KRT2: variants seen among roughly 807,000 people sequenced by gnomAD.
KRT2 encodes keratin, type II cytoskeletal 2 epidermal.
Under a neutral mutation model 48.5 loss-of-function variants are expected in KRT2, and 37 were observed. The ratio of observed to expected loss-of-function variants is 0.76; its 90% CI spans 0.59 to 1.00. KRT2 has a LOEUF of 1.00. Ranked by LOEUF, KRT2 falls within the 50% of genes least tolerant of loss-of-function variation. The pLI, the probability that KRT2 is intolerant of heterozygous loss-of-function variation, is 0.00. For missense variants in KRT2, 880 were observed against 815.2 expected, an observed-to-expected ratio of 1.08 and a Z score of -0.97; for synonymous variants, 324 against 312.2, an observed-to-expected ratio of 1.04 and a Z score of -0.40.
chr12:52,645,067 A>G lies in KRT2; in HGVS notation c.1872T>C (p.Gly624=), dbSNP rs1481987156. 1 of 1,613,964 alleles carries G rather than the reference A, an allele frequency of 6.2e-7. No individual in the cohort carries two copies. Among genetic ancestry groups the G allele is most frequent in the Non-Finnish European group, 8.5e-7 (1 of 1,179,978 alleles). Residue 624 remains glycine, a synonymous_variant, in exon 9 of 9, where the codon GGT becomes GGC. Transcript: ENST00000309680. ...TGGAACCAAAAGCTTCACCTGAGCTACCCTTTACAGAGCTAGAACCCCCAC... is the reference window on the plus strand; with the variant it reads ...TGGAACCAAAAGCTTCACCTGAGCTGCCCTTTACAGAGCTAGAACCCCCAC... The part of the protein sequence containing the change: ...SGGGGSSSVK[G]SSGEAFGSSV...
chr12:52,645,973 T>G (rs11170215), intron 7 of KRT2, among the ~76,000 whole-genome samples: 31,119 of 152,162 alleles, frequency 0.2, 3,457 homozygotes, highest in East Asian at 0.47. Flanking sequence ...GAACTGTGAC[T>G]CTGTAGAGCC....
intron 2 of KRT2, 127 bp downstream of exon 2, chr12:52,650,212 C>A: frequency 1.1e-6 from 1 of 890,224 alleles, no homozygotes; most frequent in Non-Finnish European, 1.9e-6. Flanking sequence ...AAATAATCAA[C>A]AAAGATACAT....
At position 52,649,052 on chromosome 12, in the gene KRT2, G is replaced by C. The variant is rs772322041; in HGVS notation, c.912C>G (p.Asp304Glu). The C allele has an allele frequency of 4.3e-6, 7 of 1,613,566 alleles. No individual in the cohort carries two copies. The highest frequency in any genetic ancestry group is 5.9e-6 in the Non-Finnish European group (7 of 1,179,540). Reference protein sequence around the residue: ...MIKVELQSKVDLLNQEIEFLK... With the variant: ...MIKVELQSKVELLNQEIEFLK... ...GAAACTCAATTTCCTGGTTCAGCAG[G>C]TCCACCTTGGACTGCAACTCCACCT... Residue 304 changes from aspartate (D) to glutamate (E), a missense_variant, in exon 4 of 9, where the codon GAC becomes GAG. By Grantham distance (45) the Asp-to-Glu change is conservative. Transcript: ENST00000309680.
At chr12:52,645,757 A>G (rs1375226243) in intron 7 of KRT2, among the ~76,000 whole-genome samples, 188 bp from the exon 8 acceptor site, 2 of 152,154 alleles carry the variant, frequency 1.3e-5, no homozygotes, top group South Asian at 2.1e-4. Context: ...TTTATGCACA[A>G]CCTTGCATGT....
In KRT2 at chr12:52,645,125, C is replaced by T. The variant is rs1941142974; in HGVS notation, c.1814G>A (p.Gly605Asp). 6.2e-7 allele frequency: 1 copy of T among 1,613,638 alleles called. No homozygotes were observed. Among genetic ancestry groups the T allele is most frequent in the Admixed American group, 1.7e-5 (1 of 59,970 alleles). ...KHSSGGGSRG[G>D]SSSGGGYGSG... Reference sequence around the variant, plus strand: ...GCCATATCCTCCTCCAGAGCTGGAGCCTCCTCTAGAGCCACCTCCAGAGCT... The same window carrying T: ...GCCATATCCTCCTCCAGAGCTGGAGTCTCCTCTAGAGCCACCTCCAGAGCT... Residue 605 changes from glycine (G) to aspartate (D), a missense_variant, in exon 9 of 9, where the codon GGC becomes GAC. Physicochemically the swap from Gly to Asp is moderately conservative, Grantham distance 94 (BLOSUM62 -1). Transcript: ENST00000309680.
In KRT2 at chr12:52,646,823, G is replaced by A; in HGVS notation, c.1386C>T (p.Asp462=). 1 of 1,614,178 alleles carries A rather than the reference G, an allele frequency of 6.2e-7. No homozygotes were observed. The highest frequency in any genetic ancestry group is 8.5e-7 in the Non-Finnish European group (1 of 1,180,032). ...GCTTCACGTTCATCAGCTCCTGGTAGTCACGCAGCAGCCGCGCCAAGTCCT... is the reference window on the plus strand; with the variant it reads ...GCTTCACGTTCATCAGCTCCTGGTAATCACGCAGCAGCCGCGCCAAGTCCT... ...AKEDLARLLR[D]YQELMNVKLA... is the part of the protein sequence containing the mutation. The change falls in exon 7 of 9, where the codon GAC becomes GAT. Residue 462 remains aspartate (D), a synonymous_variant. Coordinates refer to ENST00000309680, the MANE Select transcript of KRT2 (RefSeq NM_000423.3).
rs1941165994 is a variant in KRT2, at chr12:52,646,686, G to A, written c.1469+54C>T. On this transcript the variant is annotated intron_variant, in intron 7 of 8. Coordinates refer to ENST00000309680, the MANE Select transcript of KRT2 (RefSeq NM_000423.3). The stretch of plus-strand genomic sequence containing the variant: ...TGTCTTTGCCTCCAGCCCTGGCTCT[G>A]GGAGAGATGAGAGGAAGGGCCAGGG... The A allele has an allele frequency of 5.3e-5, 84 of 1,595,610 alleles. 1 individual carries two copies. In the South Asian group the frequency reaches 9.0e-4, roughly 17 times the overall value.
Position 52,650,453 on chromosome 12 carries a change from A to G in KRT2, c.686T>C (p.Phe229Ser). The G allele has an allele frequency of 6.2e-7, 1 of 1,614,174 alleles. No individual in the cohort carries two copies. Among genetic ancestry groups the G allele is most frequent in the Non-Finnish European group, 8.5e-7 (1 of 1,180,014 alleles). ...CTTGAGGCTGTCGATATACCCCTGG[A>G]AGATGGGCTCCAGGTTGATGGGGCG... is the stretch of plus-strand genomic sequence containing the variant. ...GTRPINLEPIFQGYIDSLKRY... is the reference protein window; with the variant it reads ...GTRPINLEPISQGYIDSLKRY... The change falls in exon 2 of 9, where the codon TTC (phenylalanine) becomes TCC (serine). Residue 229 changes from phenylalanine to serine, a missense_variant. Transcript: ENST00000309680.
In KRT2 at chr12:52,645,070, C is replaced by T. The variant is rs766846917; in HGVS notation, c.1869G>A (p.Lys623=). 6.2e-7 allele frequency: 1 copy of T among 1,614,070 alleles called. No homozygotes were observed. Among genetic ancestry groups the T allele is most frequent in the South Asian group, 1.1e-5 (1 of 91,066 alleles). The part of the protein sequence containing the change: ...GSGGGGSSSV[K]GSSGEAFGSS... ...AACCAAAAGCTTCACCTGAGCTACC[C>T]TTTACAGAGCTAGAACCCCCACCTC... Residue 623 remains lysine (K), a synonymous_variant, in exon 9 of 9, where the codon AAG becomes AAA. Coordinates refer to ENST00000309680, the MANE Select transcript of KRT2 (RefSeq NM_000423.3).
Position 52,644,790 on chromosome 12 carries a change from A to G in KRT2, c.*229T>C, listed in dbSNP as rs1355580208. 3 of 594,280 alleles carry G rather than the reference A, an allele frequency of 5.0e-6. No individual in the cohort carries two copies. Among genetic ancestry groups the G allele is most frequent in the Non-Finnish European group, 8.9e-6 (3 of 337,348 alleles). 36.8% of individuals were successfully genotyped at this position (594,280 alleles called of 1,614,324 possible). On this transcript the variant is annotated 3_prime_UTR_variant, in exon 9 of 9. Coordinates refer to ENST00000309680, the MANE Select transcript of KRT2 (RefSeq NM_000423.3). Reference sequence around the variant, plus strand: ...GGCATGGCTAGAAGCACAAACCTAGACAGCACAGATTCCGCCCCAGAACAC... The same window carrying G: ...GGCATGGCTAGAAGCACAAACCTAGGCAGCACAGATTCCGCCCCAGAACAC...
At chr12:52,645,832 A>G (rs1941155967) in intron 7 of KRT2, among the ~76,000 whole-genome samples, 1 of 152,226 alleles carries the variant, frequency 6.6e-6, no homozygotes, top group Non-Finnish European at 1.5e-5. Context: ...AAGGTCACTG[A>G]AAAGCAAATT....
intron 5 of KRT2, 39 bp downstream of exon 5, chr12:52,648,134 G>A (rs763505083): frequency 6.2e-7 from 1 of 1,608,434 alleles, no homozygotes; most frequent in African/African-American, 1.3e-5. Flanking sequence ...CCAGCTCATG[G>A]CAGGGAGCTG....
Position 52,650,553 on chromosome 12 carries a change from C to G in KRT2, c.586G>C (p.Val196Leu), listed in dbSNP as rs1224419103. 1 of 1,611,322 alleles carries G rather than the reference C, an allele frequency of 6.2e-7. No individual in the cohort carries two copies. The highest frequency in any genetic ancestry group is 8.5e-7 in the Non-Finnish European group (1 of 1,179,018). Residue 196 changes from valine to leucine, a missense_variant and splice_region_variant, in exon 2 of 9, where the codon GTG becomes CTG. By Grantham distance (32) the Val-to-Leu change is conservative. Transcript: ENST00000309680. ...TGGTTCTGCTGCTCCAAGAACCGCA[C>G]CTGCCATGACCAGAAGGAGAGCACA... The part of the protein sequence containing the change: ...NNKFASFIDK[V>L]RFLEQQNQVL...
intron 1 of KRT2, 196 bp from the exon 2 acceptor site, chr12:52,650,749 A>C: frequency 1.6e-6 from 1 of 640,946 alleles, no homozygotes; most frequent in South Asian, 1.7e-5. Context: ...CTAATGCTAC[A>C]TCCGGCTCTC....
At position 52,652,154 on chromosome 12, in the gene KRT2, C is replaced by T. The variant is rs776154429; in HGVS notation, c.-12G>A. On this transcript the variant is annotated 5_prime_UTR_variant, in exon 1 of 9. Transcript: ENST00000309680. Reference sequence around the variant, plus strand: ...ATCTGACAACTCATGATGCCTTTGTCCAGGGAGGAAAGTCACAGGCTCTTG... The same window carrying T: ...ATCTGACAACTCATGATGCCTTTGTTCAGGGAGGAAAGTCACAGGCTCTTG... 1 of 1,528,130 alleles carries T rather than the reference C, an allele frequency of 6.5e-7. No homozygotes were observed. The highest frequency in any genetic ancestry group is 1.2e-5 in the South Asian group (1 of 84,026). 94.7% of individuals were successfully genotyped at this position (1,528,130 alleles called of 1,614,324 possible). A position where few individuals can be genotyped will look rare whatever the true frequency, so the allele number is the denominator to read the frequency against.
chr12:52,645,137 C>T lies in KRT2; in HGVS notation c.1802G>A (p.Gly601Asp). The T allele has an allele frequency of 6.2e-7, 1 of 1,613,872 alleles. No individual in the cohort carries two copies. Among genetic ancestry groups the T allele is most frequent in the Non-Finnish European group, 8.5e-7 (1 of 1,179,980 alleles). The part of the protein sequence containing the change: ...SGGGKHSSGG[G>D]SRGGSSSGGG... ...TCCAGAGCTGGAGCCTCCTCTAGAGCCACCTCCAGAGCTGTGTTTTCCACC... is the reference window on the plus strand; with the variant it reads ...TCCAGAGCTGGAGCCTCCTCTAGAGTCACCTCCAGAGCTGTGTTTTCCACC... The change falls in exon 9 of 9, where the codon GGC becomes GAC. Residue 601 changes from glycine to aspartate, a missense_variant. Physicochemically the swap from Gly to Asp is moderately conservative, Grantham distance 94 (BLOSUM62 -1). Transcript: ENST00000309680.
chr12:52,649,227 C>A (rs930273567), intron 3 of KRT2, 125 bp from the exon 4 acceptor site: 143 of 723,432 alleles, frequency 2.0e-4, no homozygotes, highest in Non-Finnish European at 3.8e-5. Flanking sequence ...CAACCTGATC[C>A]CTGTCCCCAT....
chr12:52,649,889 C>T, intron 3 of KRT2, 25 bp downstream of exon 3: 2 of 1,601,064 alleles, frequency 1.2e-6, no homozygotes, highest in Non-Finnish European at 1.7e-6. Flanking sequence ...ATCCCCACCC[C>T]CAGCCAAGAC....
In KRT2 at chr12:52,652,043, G is replaced by A. The variant is rs35460418; in HGVS notation, c.100C>T (p.Arg34Trp). The A allele has an allele frequency of 1.6e-3, 2,639 of 1,605,578 alleles. 74 individuals are homozygous for A. In the Admixed American group the frequency reaches 0.041, roughly 25 times the overall value. ...CAGGAGAAGCTGGAAGTTGATCTCC[G>A]GCTTCCACCAGACACCACAGCTGAG... ...SGSAVVSGGS[R>W]RSTSSFSCLS... The change falls in exon 1 of 9, where the codon CGG (arginine) becomes TGG (tryptophan). Residue 34 changes from arginine (R) to tryptophan (W), a missense_variant. Physicochemically the swap from Arg to Trp is moderately radical, Grantham distance 101. Coordinates refer to ENST00000309680, the MANE Select transcript of KRT2 (RefSeq NM_000423.3).
Sources: gnomAD v4.1 joint callset for allele counts (sites outside exome capture counted in the v4.1 genomes callset) on GRCh38, gnomAD v4.1.1 for gene constraint, MANE v1.5 for transcripts, NCBI Gene and HGNC (gene_info 2026-07-23, HGNC 2026-07-21) for gene names.